GABRG3: variants seen among roughly 807,000 people sequenced by gnomAD.
GABRG3 encodes the protein gamma-aminobutyric acid type A receptor subunit gamma3.
Under a neutral mutation model 48.8 loss-of-function variants are expected in GABRG3, and 25 were observed. The observed-to-expected ratio is 0.51, with a 90% CI of 0.37 to 0.72. The LOEUF (loss-of-function observed/expected upper bound fraction) is 0.72. GABRG3 is among the 30% of genes least tolerant of loss of function. The probability of loss-of-function intolerance (pLI) is 0.00; values close to 1 mark genes in which losing one functional copy is unlikely to be tolerated. For synonymous variants in GABRG3, 227 were observed against 217.6 expected (o/e 1.04, Z -0.38); for missense variants, 394 against 577.9 (o/e 0.68, Z 3.26).
At chr15:27,346,340 C>T (rs1438470155) in intron 5 of GABRG3, among the ~76,000 whole-genome samples, 1 of 152,160 alleles carries the variant, frequency 6.6e-6, no homozygotes, top group Non-Finnish European at 1.5e-5. Flanking sequence ...CATTCCCCAG[C>T]TTTTTCCAAA....
At chr15:27,470,246 T>C (rs1889745370) in intron 5 of GABRG3, among the ~76,000 whole-genome samples, 1 of 149,934 alleles carries the variant, frequency 6.7e-6, no homozygotes, top group East Asian at 1.9e-4. Context: ...TTCTCTCTCT[T>C]TTTTTTTTTC....
intron 5 of GABRG3, among the ~76,000 whole-genome samples, chr15:27,353,111 G>A (rs773264511): frequency 1.3e-5 from 2 of 151,978 alleles, no homozygotes; most frequent in Non-Finnish European, 2.9e-5. Flanking sequence ...CACTGTCTTT[G>A]TAGGGACCCT....
chr15:27,081,784 G>A (rs551033896), intron 3 of GABRG3, among the ~76,000 whole-genome samples: 4 of 152,294 alleles, frequency 2.6e-5, no homozygotes, highest in South Asian at 2.1e-4. Context: ...GGTCGACCCC[G>A]CTCCCCAGGA....
chr15:27,380,472 G>A (rs1895732588), intron 5 of GABRG3, among the ~76,000 whole-genome samples: 1 of 151,594 alleles, frequency 6.6e-6, no homozygotes, highest in African/African-American at 2.4e-5. Flanking sequence ...TTTATTAAGA[G>A]ACAGACATAG....
intron 3 of GABRG3, among the ~76,000 whole-genome samples, chr15:27,280,620 C>T (rs1320330906): frequency 6.6e-6 from 1 of 152,092 alleles, no homozygotes; most frequent in African/African-American, 2.4e-5. Flanking sequence ...TTTATAATTT[C>T]CAAATGTTAG....
At chr15:27,188,200 G>C (rs935104701) in intron 3 of GABRG3, among the ~76,000 whole-genome samples, 7 of 152,150 alleles carry the variant, frequency 4.6e-5, no homozygotes, top group African/African-American at 1.7e-4. Context: ...GTGTGCATGT[G>C]TCTTTATAGC....
chr15:26,981,922 T>C (rs1056766429), intron 2 of GABRG3, among the ~76,000 whole-genome samples: 1 of 152,188 alleles, frequency 6.6e-6, no homozygotes, highest in Non-Finnish European at 1.5e-5. Flanking sequence ...ATGTGTGTAG[T>C]GTGGGAGACT....
chr15:26,981,378 G>C (rs953852110), intron 2 of GABRG3, among the ~76,000 whole-genome samples: 2 of 152,154 alleles, frequency 1.3e-5, no homozygotes. Context: ...CTCTATATGA[G>C]TTTAATTCTT....
intron 3 of GABRG3, among the ~76,000 whole-genome samples, chr15:27,240,867 A>T (rs1005894404): frequency 1.1e-4 from 17 of 152,216 alleles, no homozygotes; most frequent in Non-Finnish European, 1.3e-4. Flanking sequence ...CCCCAGGATC[A>T]TGATGTTTGT....
At chr15:27,139,600 ACTTT>A in intron 3 of GABRG3, among the ~76,000 whole-genome samples, 1 of 151,646 alleles carries the variant, frequency 6.6e-6, no homozygotes, top group Non-Finnish European at 1.5e-5. Flanking sequence ...ACAGGTACTT[ACTTT>A]TTCTGAAATT....
rs945506236 is a variant in GABRG3 at position 27,291,863 on chromosome 15, G to A, written c.271-34946G>A. ...TCTATGTTCAATAAATTTGGGTATT[G>A]ATCAGATGTATGTGTGTGAGAGAGA... On this transcript the variant is annotated intron_variant, in intron 3 of 9. Transcript: ENST00000615808. Among the ~76,000 whole-genome samples the A allele has an allele frequency of 2.0e-5, 3 of 152,168 alleles. No individual in the cohort carries two copies. In the East Asian group the frequency reaches 5.8e-4, roughly 29 times the overall value.
intron 5 of GABRG3, among the ~76,000 whole-genome samples, chr15:27,393,472 T>C (rs964955075): frequency 6.6e-6 from 1 of 152,204 alleles, no homozygotes; most frequent in Non-Finnish European, 1.5e-5. Context: ...TATATGTGTT[T>C]ATAATGACCA....
chr15:27,144,625 G>T (rs1898165432), intron 3 of GABRG3, among the ~76,000 whole-genome samples: 2 of 152,160 alleles, frequency 1.3e-5, no homozygotes, highest in Non-Finnish European at 2.9e-5. Flanking sequence ...TTGAAAAGAT[G>T]GAACATATTC....
At chr15:27,045,229 G>A (rs972565457) in intron 3 of GABRG3, among the ~76,000 whole-genome samples, 1 of 152,178 alleles carries the variant, frequency 6.6e-6, no homozygotes, top group Admixed American at 6.5e-5. Context: ...GAGCCCAGAG[G>A]GCTGAGCAGA....
At chr15:27,200,939 T>C (rs572142232) in intron 3 of GABRG3, among the ~76,000 whole-genome samples, 2 of 152,208 alleles carry the variant, frequency 1.3e-5, no homozygotes, top group South Asian at 4.2e-4. Context: ...TTTTAGCTCA[T>C]CCATACTTCA....
At chr15:27,123,730 C>G (rs981615031) in intron 3 of GABRG3, among the ~76,000 whole-genome samples, 7 of 152,118 alleles carry the variant, frequency 4.6e-5, no homozygotes, top group African/African-American at 1.7e-4. Context: ...CATTCCAGCC[C>G]CTGCTCTCAA....
chr15:27,235,627 AC>A (rs1364166740), intron 3 of GABRG3, among the ~76,000 whole-genome samples: 45 of 152,304 alleles, frequency 3.0e-4, no homozygotes, highest in African/African-American at 1.1e-3. Flanking sequence ...ACTGCCTGTA[AC>A]CAAAGACAGA....
chr15:27,049,176 G>T (rs536420952), intron 3 of GABRG3, among the ~76,000 whole-genome samples: 1 of 152,208 alleles, frequency 6.6e-6, no homozygotes, highest in Non-Finnish European at 1.5e-5. Flanking sequence ...CTTGATGTGC[G>T]TAACCGTTTT....
At chr15:27,507,452 C>T (rs1443832159) in intron 6 of GABRG3, among the ~76,000 whole-genome samples, 2 of 151,994 alleles carry the variant, frequency 1.3e-5, no homozygotes, top group African/African-American at 2.4e-5. Flanking sequence ...TGCAGTGAGC[C>T]AAGATCCTAC....
Sources: allele counts gnomAD v4.1 joint callset (sites outside exome capture counted in the v4.1 genomes callset), GRCh38; gene constraint gnomAD v4.1.1; transcripts MANE v1.5; gene names NCBI Gene and HGNC (gene_info 2026-07-23, HGNC 2026-07-21).